The following TUBB1 variants were observed in gnomAD, a reference collection of about 807,000 sequenced individuals.
The protein encoded by TUBB1 is tubulin beta-1 chain.
A neutral mutation model predicts 22.6 loss-of-function variants in TUBB1; 28 were observed. That is an observed-to-expected ratio of 1.24 (90% confidence interval 0.92 to 1.70). The LOEUF is 1.70. Ranked by LOEUF, TUBB1 falls within the 40% of genes most tolerant of loss-of-function variation. The pLI, the probability that TUBB1 is intolerant of heterozygous loss-of-function variation, is 0.00. For missense variants in TUBB1, 577 were observed against 605.5 expected (o/e 0.95, Z 0.49); for synonymous variants, 226 against 238.0 (o/e 0.95, Z 0.46).
rs774865195 is a variant in TUBB1 at position 59,024,047 on chromosome 20, T to G, written c.620T>G (p.Leu207Arg). The change falls in exon 4 of 4, where the codon CTC becomes CGC. Residue 207 changes from leucine to arginine, a missense_variant. Transcript: ENST00000217133. The surrounding 1 kb of genome is among the most constrained non-coding windows in gnomAD (Gnocchi z 4.9). ...TGTTTCTGCATTGACAATGAGGCCC[T>G]CTATGACATCTGCTTCCGTACCCTG... ...DACFCIDNEA[L>R]YDICFRTLKL... The G allele has an allele frequency of 2.5e-6, 4 of 1,614,074 alleles. No homozygotes were observed. The highest frequency in any genetic ancestry group is 3.4e-6 in the Non-Finnish European group (4 of 1,180,030).
intron 1 of TUBB1, among the ~76,000 whole-genome samples, chr20:59,020,552 GT>G (rs2091962834): frequency 6.6e-6 from 1 of 152,116 alleles, no homozygotes; most frequent in African/African-American, 2.4e-5. Context: ...GCTTTTTGAA[GT>G]TTTTTGAGAA....
chr20:59,018,411 CTTTT>C (rs745716387), upstream of TUBB1, among the ~76,000 whole-genome samples: 4 of 144,494 alleles, frequency 2.8e-5, no homozygotes, highest in African/African-American at 5.1e-5. Context: ...TGAGGGAATG[CTTTT>C]TTTTTTTTTT....
chr20:59,021,690 G>A (rs764041822), intron 1 of TUBB1, among the ~76,000 whole-genome samples: 21 of 152,108 alleles, frequency 1.4e-4, no homozygotes, highest in Non-Finnish European at 2.9e-4. Flanking sequence ...ATGTATACCT[G>A]ACAATCAAAA....
upstream of TUBB1, among the ~76,000 whole-genome samples, chr20:59,018,166 T>G (rs2091952470): frequency 6.6e-6 from 1 of 152,192 alleles, no homozygotes; most frequent in Non-Finnish European, 1.5e-5. Flanking sequence ...CCATCTTCCT[T>G]GGAAGCTTCC....
chr20:59,025,304 T>G lies in TUBB1; in HGVS notation c.*521T>G. ...GGTGCCTGACTAGTACATGGGGAGC[T>G]ACAGAGCCAAGGTCAATGTGAGTCA... On this transcript the variant is annotated 3_prime_UTR_variant, in exon 4 of 4. Coordinates refer to ENST00000217133, the MANE Select transcript of TUBB1 (RefSeq NM_030773.4). 5.1e-6 allele frequency: 1 copy of G among 196,924 alleles called. No homozygotes were observed. The highest frequency in any genetic ancestry group is 1.1e-5 in the Non-Finnish European group (1 of 93,380). The allele number at this position is 196,924 out of a possible 1,614,324, so 12.2% of individuals were successfully genotyped here. A position where few individuals can be genotyped will look rare whatever the true frequency, so the allele number is the denominator to read the frequency against.
upstream of TUBB1, among the ~76,000 whole-genome samples, chr20:59,016,443 C>T (rs1188744197): frequency 6.6e-6 from 1 of 152,212 alleles, no homozygotes; most frequent in Non-Finnish European, 1.5e-5. Flanking sequence ...TGTGTGGGCA[C>T]TGCAGGTTGA....
At position 59,024,179 on chromosome 20, in the gene TUBB1, G is replaced by A. The variant is rs770226644; in HGVS notation, c.752G>A (p.Arg251His). 15 of 1,614,048 alleles carry A rather than the reference G, an allele frequency of 9.3e-6. No individual in the cohort carries two copies. Among genetic ancestry groups the A allele is most frequent in the South Asian group, 5.5e-5 (5 of 91,088 alleles). ...CCGGGTCAGCTCAACGCAGACCTGC[G>A]CAAGCTGGCGGTGAACATGGTCCCC... ...RFPGQLNADL[R>H]KLAVNMVPFP... is the part of the protein sequence containing the mutation. Residue 251 changes from arginine to histidine, a missense_variant, in exon 4 of 4, where the codon CGC becomes CAC. By Grantham distance (29) the Arg-to-His change is conservative. Transcript: ENST00000217133. The surrounding 1 kb of genome is among the most constrained non-coding windows in gnomAD (Gnocchi z 4.9).
rs532728731 is a variant in TUBB1 at position 59,024,857 on chromosome 20, T to G, written c.*74T>G. 14 of 1,367,228 alleles carry G rather than the reference T, an allele frequency of 1.0e-5. No homozygotes were observed. The African/African-American group carries it at 2.0e-4, about 20-fold the overall frequency. The allele number at this position is 1,367,228 out of a possible 1,614,324, so 84.7% of individuals were successfully genotyped here. On this transcript the variant is annotated 3_prime_UTR_variant, in exon 4 of 4. Transcript: ENST00000217133. The surrounding 1 kb of genome is among the most constrained non-coding windows in gnomAD (Gnocchi z 4.9). ...TAGATGAGTGTTTCTCCTGCAGCAC[T>G]CCAAAACCCACTCTGCACTGCAGCA... is the stretch of plus-strand genomic sequence containing the variant.
At chr20:59,018,561 C>T (rs1423864653), upstream of TUBB1, among the ~76,000 whole-genome samples, 1 of 152,130 alleles carries the variant, frequency 6.6e-6, no homozygotes, top group Non-Finnish European at 1.5e-5. Flanking sequence ...GTGTGTGCCA[C>T]CACACCTGAC....
At position 59,023,552 on chromosome 20, in the gene TUBB1, C is replaced by A. The variant is rs767380935; in HGVS notation, c.229C>A (p.Arg77=). The A allele has an allele frequency of 3.1e-6, 5 of 1,614,148 alleles. No individual in the cohort carries two copies. Among genetic ancestry groups the A allele is most frequent in the Admixed American group, 3.3e-5 (2 of 60,026 alleles). Residue 77 remains arginine (R), a synonymous_variant, in exon 3 of 4, where the codon CGA becomes AGA. Transcript: ENST00000217133. ...DLEPGTMDSI[R]SSKLGALFQP... is the part of the protein sequence containing the mutation. ...AGAACCTGGGACGATGGACAGCATT[C>A]GATCTAGCAAATTAGGAGCTCTCTT...
intron 2 of TUBB1, 21 bp from the exon 3 acceptor site, chr20:59,023,469 T>G: frequency 6.2e-7 from 1 of 1,607,654 alleles, no homozygotes; most frequent in Non-Finnish European, 8.5e-7. Context: ...TAGGCTGACT[T>G]TTTCCTATTT....
rs1422532614 is a variant in TUBB1, at chr20:59,024,944, G to A, written c.*161G>A. ...AGGGACTGAGGGAGACAGGTGGGGA[G>A]CAGCTGACAGGCATTAGGGTCTTTG... is the stretch of plus-strand genomic sequence containing the variant. On this transcript the variant is annotated 3_prime_UTR_variant, in exon 4 of 4. Coordinates refer to ENST00000217133, the MANE Select transcript of TUBB1 (RefSeq NM_030773.4). The surrounding 1 kb of genome is among the most constrained non-coding windows in gnomAD (Gnocchi z 4.9). 4.2e-6 allele frequency: 3 copies of A among 714,144 alleles called. No homozygotes were observed. In the African/African-American group the frequency reaches 5.2e-5, roughly 12 times the overall value. The allele number at this position is 714,144 out of a possible 1,614,324, so 44.2% of individuals were successfully genotyped here.
At chr20:59,017,373 A>C (rs1449319305), upstream of TUBB1, among the ~76,000 whole-genome samples, 2 of 152,238 alleles carry the variant, frequency 1.3e-5, no homozygotes, top group African/African-American at 4.8e-5. Context: ...AGAGGTGAGA[A>C]GCAGTCCCAG....
At chr20:59,019,135 C>T (rs75277130), upstream of TUBB1, 1,693 of 282,294 alleles carry the variant, frequency 6.0e-3, 24 homozygotes, top group African/African-American at 0.033. Flanking sequence ...GAGCCACAGT[C>T]ATCATACCAC....
At chr20:59,019,630 G>A (rs762276682) in intron 1 of TUBB1, 51 bp downstream of exon 1, 7 of 1,588,352 alleles carry the variant, frequency 4.4e-6, no homozygotes, top group East Asian at 2.2e-5. Flanking sequence ...CCATAGAGGC[G>A]GACAACCAAA....
chr20:59,017,232 C>T (rs551750914), upstream of TUBB1, among the ~76,000 whole-genome samples: 2 of 152,156 alleles, frequency 1.3e-5, no homozygotes, highest in Non-Finnish European at 2.9e-5. Context: ...GTACACAATC[C>T]TTATTTGAAT....
Position 59,019,510 on chromosome 20 carries a change from G to C in TUBB1, c.-13G>C. On this transcript the variant is annotated 5_prime_UTR_variant, in exon 1 of 4. Transcript: ENST00000217133. ...GATTCCGTGAAGATCTCAGACTTGG[G>C]CTCAGAGCAAGGATGCGTGAAATTG... 6.2e-7 allele frequency: 1 copy of C among 1,613,962 alleles called. No homozygotes were observed. The highest frequency in any genetic ancestry group is 2.2e-5 in the East Asian group (1 of 44,856).
upstream of TUBB1, chr20:59,019,208 GC>G: frequency 2.3e-6 from 1 of 438,358 alleles, no homozygotes; most frequent in Non-Finnish European, 4.2e-6. Context: ...CAGGCCCTGT[GC>G]CCCGAGGTGG....
In TUBB1 at chr20:59,023,426, T is replaced by A. The variant is rs1023202454; in HGVS notation, c.167-64T>A. The A allele has an allele frequency of 2.0e-6, 3 of 1,495,032 alleles. No homozygotes were observed. The East Asian group carries it at 6.8e-5, about 34-fold the overall frequency. The allele number at this position is 1,495,032 out of a possible 1,614,324, so 92.6% of individuals were successfully genotyped here. A position where few individuals can be genotyped will look rare whatever the true frequency, so the allele number is the denominator to read the frequency against. ...TTTGGACCAGTATCACAAAGTTCTATTTTGATAAAACATTAACTTTTAGAA... is the reference window on the plus strand; with the variant it reads ...TTTGGACCAGTATCACAAAGTTCTAATTTGATAAAACATTAACTTTTAGAA... On this transcript the variant is annotated intron_variant, in intron 2 of 3. Coordinates refer to ENST00000217133, the MANE Select transcript of TUBB1 (RefSeq NM_030773.4).
Sources: allele counts gnomAD v4.1 joint callset (sites outside exome capture counted in the v4.1 genomes callset), GRCh38; gene constraint gnomAD v4.1.1; non-coding constraint Gnocchi (gnomAD v3.1); transcripts MANE v1.5; gene names NCBI Gene and HGNC (gene_info 2026-07-23, HGNC 2026-07-21).